KHDRBS2: variants seen among roughly 807,000 people sequenced by gnomAD.
The protein encoded by KHDRBS2 is KH domain-containing, RNA-binding, signal transduction-associated protein 2.
Under a neutral mutation model 44.3 loss-of-function variants are expected in KHDRBS2, and 26 were observed. The ratio of observed to expected loss-of-function variants is 0.59; its 90% CI spans 0.43 to 0.81. The LOEUF (loss-of-function observed/expected upper bound fraction) is 0.81. KHDRBS2 is among the 40% of genes least tolerant of loss of function. The pLI is 0.00. For missense variants in KHDRBS2, 476 were observed against 433.1 expected (o/e 1.10, Z -0.88); for synonymous variants, 194 against 151.1 (o/e 1.28, Z -2.08).
the KHDRBS2 span, among the ~76,000 whole-genome samples, chr6:61,631,556 A>G: frequency 6.6e-6 from 1 of 152,168 alleles, no homozygotes; most frequent in Non-Finnish European, 1.5e-5. Context: ...TGGTGTTCAG[A>G]GATGAGTTGG....
chr6:62,117,072 A>G (rs1260328401), intron 2 of KHDRBS2, among the ~76,000 whole-genome samples: 1 of 152,286 alleles, frequency 6.6e-6, no homozygotes. Flanking sequence ...GGGAGTGCAG[A>G]TATCTCTTCA....
intron 1 of KHDRBS2, among the ~76,000 whole-genome samples, chr6:62,270,301 C>CTCT (rs1334489052): frequency 7.5e-6 from 1 of 134,206 alleles, no homozygotes; most frequent in Non-Finnish European, 1.6e-5. Flanking sequence ...CTCTCTCTCT[C>CTCT]CTCTCTCTCT....
chr6:61,848,490 T>TATATAC (rs1491335256), intron 6 of KHDRBS2, among the ~76,000 whole-genome samples: 6 of 32,176 alleles, frequency 1.9e-4, no homozygotes, highest in African/African-American at 6.2e-4. Context: ...TATATATATA[T>TATATAC]GTATATATAT....
At chr6:62,058,259 A>G (rs1451564843) in intron 2 of KHDRBS2, among the ~76,000 whole-genome samples, 2 of 151,914 alleles carry the variant, frequency 1.3e-5, no homozygotes, top group East Asian at 3.9e-4. Context: ...ATTCCTGAAC[A>G]GCCAATCTCT....
intron 4 of KHDRBS2, among the ~76,000 whole-genome samples, chr6:61,904,789 C>T (rs1804661216): frequency 6.6e-6 from 1 of 152,150 alleles, no homozygotes; most frequent in African/African-American, 2.4e-5. Context: ...GGTCTCCAGC[C>T]TTCCTTGGCT....
At chr6:61,865,130 G>T (rs530896310) in intron 6 of KHDRBS2, among the ~76,000 whole-genome samples, 1 of 152,164 alleles carries the variant, frequency 6.6e-6, no homozygotes, top group South Asian at 2.1e-4. Context: ...GGTCAGTTAT[G>T]TTCCTCTTTA....
intron 3 of KHDRBS2, among the ~76,000 whole-genome samples, chr6:62,013,375 C>T (rs1431966219): frequency 6.6e-6 from 1 of 151,786 alleles, no homozygotes; most frequent in Non-Finnish European, 1.5e-5. Flanking sequence ...TTCAAATAGA[C>T]CTTAAATGTA....
the KHDRBS2 span, among the ~76,000 whole-genome samples, chr6:61,655,131 G>T: frequency 6.6e-6 from 1 of 151,712 alleles, no homozygotes; most frequent in Non-Finnish European, 1.5e-5. Flanking sequence ...AATAAGGAGA[G>T]TTTAGGTTAT....
At chr6:61,851,915 T>C (rs968617483) in intron 6 of KHDRBS2, among the ~76,000 whole-genome samples, 1 of 152,146 alleles carries the variant, frequency 6.6e-6, no homozygotes, top group Admixed American at 6.6e-5. Context: ...AATGTGCATA[T>C]TCTGAATTAA....
chr6:61,636,853 T>G, the KHDRBS2 span, among the ~76,000 whole-genome samples: 4 of 152,008 alleles, frequency 2.6e-5, no homozygotes, highest in African/African-American at 7.2e-5. Flanking sequence ...GGACCACATC[T>G]CATGCATAAT....
the KHDRBS2 span, among the ~76,000 whole-genome samples, chr6:61,649,225 G>A: frequency 6.6e-6 from 1 of 152,118 alleles, no homozygotes; most frequent in African/African-American, 2.4e-5. Flanking sequence ...CTGTGTCAAA[G>A]AGCTCCAAAA....
At chr6:62,113,879 T>A (rs1483946331) in intron 2 of KHDRBS2, among the ~76,000 whole-genome samples, 2 of 152,128 alleles carry the variant, frequency 1.3e-5, no homozygotes, top group African/African-American at 4.8e-5. Flanking sequence ...CTTCTCACAC[T>A]GCTATGAAGA....
intron 2 of KHDRBS2, among the ~76,000 whole-genome samples, chr6:62,067,159 G>T (rs758514989): frequency 6.6e-6 from 1 of 151,480 alleles, no homozygotes. Flanking sequence ...CCCAATTCCA[G>T]TTAGTATTCC....
At chr6:61,845,222 T>G (rs919603310) in intron 6 of KHDRBS2, among the ~76,000 whole-genome samples, 6 of 151,970 alleles carry the variant, frequency 3.9e-5, no homozygotes, top group Non-Finnish European at 7.4e-5. Flanking sequence ...CAAACATATA[T>G]AAGTATTTAC....
the KHDRBS2 span, among the ~76,000 whole-genome samples, chr6:61,671,635 G>T: frequency 6.6e-6 from 1 of 151,616 alleles, no homozygotes; most frequent in Non-Finnish European, 1.5e-5. Context: ...ACCAAAAACA[G>T]CTATCTTATT....
At chr6:61,824,386 C>CTA (rs1790511283) in intron 6 of KHDRBS2, among the ~76,000 whole-genome samples, 1 of 152,098 alleles carries the variant, frequency 6.6e-6, no homozygotes, top group Non-Finnish European at 1.5e-5. Flanking sequence ...CTCTCTCTCT[C>CTA]CTGCTGCCAT....
chr6:61,940,018 T>A (rs1158752303), intron 4 of KHDRBS2, among the ~76,000 whole-genome samples: 1 of 152,084 alleles, frequency 6.6e-6, no homozygotes, highest in Non-Finnish European at 1.5e-5. Flanking sequence ...CATGATGATA[T>A]TAAGTAAAAA....
At chr6:62,040,193 CA>C (rs1348464697) in intron 3 of KHDRBS2, among the ~76,000 whole-genome samples, 1 of 151,802 alleles carries the variant, frequency 6.6e-6, no homozygotes, top group Non-Finnish European at 1.5e-5. Context: ...AAATACAATA[CA>C]ATACAATACA....
chr6:61,807,437 T>C (rs1468909932), intron 6 of KHDRBS2, among the ~76,000 whole-genome samples: 1 of 152,078 alleles, frequency 6.6e-6, no homozygotes. Context: ...CCATTAATGG[T>C]GGACTGGATA....
Sources: allele counts gnomAD v4.1 joint callset (sites outside exome capture counted in the v4.1 genomes callset), GRCh38; gene constraint gnomAD v4.1.1; transcripts MANE v1.5; gene names NCBI Gene and HGNC (gene_info 2026-07-23, HGNC 2026-07-21).